The following CHST11 variants were observed in gnomAD, a reference collection of about 807,000 sequenced individuals.
CHST11 encodes carbohydrate sulfotransferase 11.
A neutral mutation model predicts 30.4 loss-of-function variants in CHST11; 9 were observed. The ratio of observed to expected loss-of-function variants is 0.30; its 90% CI spans 0.18 to 0.52. The LOEUF (loss-of-function observed/expected upper bound fraction) is 0.52. Ranked by LOEUF, CHST11 falls within the 20% of genes least tolerant of loss-of-function variation. The pLI, the probability that CHST11 is intolerant of heterozygous loss-of-function variation, is 0.97. For missense variants in CHST11, 348 were observed against 460.6 expected, an observed-to-expected ratio of 0.76 and a Z score of 2.24; for synonymous variants, 152 against 187.8, an observed-to-expected ratio of 0.81 and a Z score of 1.56.
intron 1 of CHST11, among the ~76,000 whole-genome samples, chr12:104,510,884 G>C (rs2037958770): frequency 6.6e-6 from 1 of 151,976 alleles, no homozygotes; most frequent in African/African-American, 2.4e-5. Flanking sequence ...CTTGTACTTT[G>C]AGGAATGTAC....
At chr12:104,684,081 G>A (rs1035491120) in intron 2 of CHST11, among the ~76,000 whole-genome samples, 1 of 152,216 alleles carries the variant, frequency 6.6e-6, no homozygotes, top group Non-Finnish European at 1.5e-5. Context: ...AGATGCGGCA[G>A]AACTAGCAGC....
chr12:104,563,357 C>A (rs1349138535), intron 1 of CHST11, among the ~76,000 whole-genome samples: 1 of 152,142 alleles, frequency 6.6e-6, no homozygotes, highest in African/African-American at 2.4e-5. Flanking sequence ...CTGATGGTGT[C>A]TGCTGTGCTT....
intron 2 of CHST11, among the ~76,000 whole-genome samples, chr12:104,669,128 ACAATCGCCCGCT>A (rs2039667062): frequency 6.6e-6 from 1 of 152,190 alleles, no homozygotes; most frequent in Non-Finnish European, 1.5e-5. Context: ...ACAGGCTCGC[ACAATCGCCCGCT>A]GTGTCTCCTG....
intron 2 of CHST11, among the ~76,000 whole-genome samples, chr12:104,683,152 A>G (rs1461431752): frequency 6.6e-6 from 1 of 152,156 alleles, no homozygotes; most frequent in African/African-American, 2.4e-5. Context: ...CAGGGGGAGA[A>G]TGTCACCAAT....
intron 2 of CHST11, among the ~76,000 whole-genome samples, chr12:104,643,691 T>G (rs1219957517): frequency 6.6e-6 from 1 of 152,124 alleles, no homozygotes; most frequent in Non-Finnish European, 1.5e-5. Flanking sequence ...TTGTTGCACT[T>G]GAGGAGTTTT....
At chr12:104,740,719 T>C (rs2040339292) in intron 2 of CHST11, among the ~76,000 whole-genome samples, 2 of 152,222 alleles carry the variant, frequency 1.3e-5, no homozygotes. Context: ...TGTCATGCAA[T>C]TGAGGGTGTC....
intron 1 of CHST11, among the ~76,000 whole-genome samples, chr12:104,472,017 G>A (rs2037514317): frequency 6.6e-6 from 1 of 152,128 alleles, no homozygotes; most frequent in Non-Finnish European, 1.5e-5. Context: ...CTGGAATGCA[G>A]TGGCATGATC....
At chr12:104,751,530 C>T (rs555052331) in intron 2 of CHST11, among the ~76,000 whole-genome samples, 5 of 152,294 alleles carry the variant, frequency 3.3e-5, no homozygotes, top group Non-Finnish European at 7.3e-5. Context: ...TAATTGAATC[C>T]AGTGACCTAG....
At chr12:104,559,635 C>G (rs1424061882) in intron 1 of CHST11, among the ~76,000 whole-genome samples, 1 of 152,082 alleles carries the variant, frequency 6.6e-6, no homozygotes, top group East Asian at 1.9e-4. Flanking sequence ...CCCAGCTACT[C>G]TGGAGGCTGA....
chr12:104,461,663 C>G (rs1335202714), intron 1 of CHST11, among the ~76,000 whole-genome samples: 3 of 152,172 alleles, frequency 2.0e-5, no homozygotes, highest in African/African-American at 7.2e-5. Context: ...TGCTTCCTCT[C>G]TATTATTTTT....
chr12:104,641,622 G>A (rs1326499142), intron 2 of CHST11, among the ~76,000 whole-genome samples: 3 of 152,158 alleles, frequency 2.0e-5, no homozygotes, highest in African/African-American at 4.8e-5. Flanking sequence ...GTTAAGGTAT[G>A]AGTGTATGTA....
At chr12:104,565,073 T>C (rs1487912709) in intron 1 of CHST11, among the ~76,000 whole-genome samples, 1 of 151,828 alleles carries the variant, frequency 6.6e-6, no homozygotes, top group Non-Finnish European at 1.5e-5. Flanking sequence ...CCAAACCACA[T>C]CAGTATTATT....
chr12:104,464,312 CCCT>C (rs982070996), intron 1 of CHST11, among the ~76,000 whole-genome samples: 7 of 152,012 alleles, frequency 4.6e-5, no homozygotes, highest in Non-Finnish European at 7.4e-5. Context: ...AAGTGATCCA[CCCT>C]CCTCGGCCTC....
chr12:104,505,687 C>T lies in CHST11; in HGVS notation c.118+48158C>T, dbSNP rs118191991. 1.1e-3 allele frequency among the ~76,000 whole-genome samples: 166 copies of T among 152,290 alleles called. 2 individuals carry two copies. The East Asian group carries it at 0.019, about 18-fold the overall frequency. ...CATCTGCAAAATGGAGATCATATCA[C>T]TTAGGGCCAAATTAGATAATATGTG... is the stretch of plus-strand genomic sequence containing the variant. On this transcript the variant is annotated intron_variant, in intron 1 of 2. Coordinates refer to ENST00000303694, the MANE Select transcript of CHST11 (RefSeq NM_018413.6).
intron 1 of CHST11, among the ~76,000 whole-genome samples, chr12:104,518,956 CTTTTTCTTTTTTTCTTTCTT>C (rs2038050743): frequency 7.1e-6 from 1 of 141,490 alleles, no homozygotes; most frequent in South Asian, 2.2e-4. Context: ...AAAATCTTTT[CTTTTTCTTTTTTTCTTTCTT>C]TTTTTTTTTT....
At chr12:104,741,446 G>A (rs537633500) in intron 2 of CHST11, among the ~76,000 whole-genome samples, 17 of 152,352 alleles carry the variant, frequency 1.1e-4, no homozygotes, top group African/African-American at 3.4e-4. Flanking sequence ...GAGAAATCGG[G>A]TATTGTTAAA....
At chr12:104,668,006 G>A (rs1296901330) in intron 2 of CHST11, among the ~76,000 whole-genome samples, 7 of 152,140 alleles carry the variant, frequency 4.6e-5, no homozygotes, top group Admixed American at 4.6e-4. Context: ...CTTTAGGAGG[G>A]AGTCTAGCCA....
At chr12:104,631,590 A>G (rs2039270976) in intron 2 of CHST11, among the ~76,000 whole-genome samples, 1 of 152,168 alleles carries the variant, frequency 6.6e-6, no homozygotes, top group Non-Finnish European at 1.5e-5. Context: ...AATTCAGAGG[A>G]GTAAAGTTAT....
intron 1 of CHST11, among the ~76,000 whole-genome samples, chr12:104,494,505 G>A (rs1365188259): frequency 2.0e-5 from 3 of 152,208 alleles, no homozygotes; most frequent in Admixed American, 1.3e-4. Flanking sequence ...TTGTCTCAAA[G>A]CATTAAAATA....
Sources: allele counts gnomAD v4.1 joint callset (sites outside exome capture counted in the v4.1 genomes callset), GRCh38; gene constraint gnomAD v4.1.1; transcripts MANE v1.5; gene names NCBI Gene and HGNC (gene_info 2026-07-23, HGNC 2026-07-21).